The following SETD1B variants were observed in gnomAD, a reference collection of about 807,000 sequenced individuals.
The protein encoded by SETD1B is SET domain containing 1B, histone lysine methyltransferase.
SETD1B carries 7 observed loss-of-function variants against 148.0 expected under a neutral mutation model. The observed-to-expected ratio is 0.05, with a 90% CI of 0.03 to 0.09. SETD1B has a LOEUF of 0.09. Ranked by LOEUF, SETD1B falls within the 10% of genes least tolerant of loss-of-function variation. The probability of loss-of-function intolerance (pLI) is 1.00; values close to 1 mark genes in which losing one functional copy is unlikely to be tolerated. For missense variants in SETD1B, 2,155 were observed against 2,729.9 expected, an observed-to-expected ratio of 0.79 and a Z score of 4.69; for synonymous variants, 1,361 against 1,186.5, an observed-to-expected ratio of 1.15 and a Z score of -3.02.
Position 121,831,890 on chromosome 12 carries a change from TTTG to T in SETD1B, c.*1657_*1659del, listed in dbSNP as rs1877112395. On this transcript the variant is annotated 3_prime_UTR_variant, in exon 17 of 17. Coordinates refer to ENST00000604567, the MANE Select transcript of SETD1B (RefSeq NM_001353345.2). ...TTGTTGGTGGTTTTGTTGTGTGTTT[TTTG>T]TTGTTTTTTTTTTATTCCTTTCCCC... The T allele has an allele frequency of 8.3e-6, 1 of 120,288 alleles. No individual in the cohort carries two copies. The highest frequency in any genetic ancestry group is 2.5e-5 in the African/African-American group (1 of 40,034). 7.5% of individuals were successfully genotyped at this position (120,288 alleles called of 1,614,324 possible). A position where few individuals can be genotyped will look rare whatever the true frequency, so the allele number is the denominator to read the frequency against.
rs748280141 is a variant in SETD1B, at chr12:121,809,688, G to T, written c.743G>T (p.Gly248Val). ...TCCTCCTCTGTCACCCCCAATAGCGGTGGGACACCCTTCTCCCAGGACACA... is the reference window on the plus strand; with the variant it reads ...TCCTCCTCTGTCACCCCCAATAGCGTTGGGACACCCTTCTCCCAGGACACA... ...SGSSSVTPNS[G>V]GTPFSQDTAY... The change falls in exon 6 of 17, where the codon GGT (glycine) becomes GTT (valine). Residue 248 changes from glycine to valine, a missense_variant. By Grantham distance (109) the Gly-to-Val change is moderately radical (BLOSUM62 -3). Transcript: ENST00000604567. 31 of 1,551,498 alleles carry T rather than the reference G, an allele frequency of 2.0e-5. No homozygotes were observed. In the South Asian group the frequency reaches 3.3e-4, roughly 17 times the overall value.
At position 121,810,603 on chromosome 12, in the gene SETD1B, G is replaced by T. The variant is rs933009659; in HGVS notation, c.1658G>T (p.Gly553Val). ...LAPFGTNSQPGFRGPTPPSSR... is the reference protein window; with the variant it reads ...LAPFGTNSQPVFRGPTPPSSR... ...CCCTTTGGCACCAACTCCCAGCCAG[G>T]CTTCCGGGGCCCCACGCCCCCCTCG... Residue 553 changes from glycine (G) to valine (V), a missense_variant, in exon 6 of 17, where the codon GGC becomes GTC. Transcript: ENST00000604567. This position sits in a 1 kb window ranked among gnomAD's most constrained non-coding sequence, Gnocchi z 7.6. 5.8e-6 allele frequency: 9 copies of T among 1,548,162 alleles called. No individual in the cohort carries two copies. In the Admixed American group the frequency reaches 1.6e-4, roughly 27 times the overall value.
chr12:121,819,440 C>T lies in SETD1B; in HGVS notation c.3455C>T (p.Ala1152Val), dbSNP rs765343309. The T allele has an allele frequency of 1.2e-5, 19 of 1,552,064 alleles. No homozygotes were observed. In the East Asian group the frequency reaches 4.4e-4, roughly 36 times the overall value. ...AGCATTGTAACCTCCAAGGCCGAAG[C>T]CACGTCGTCCAGTGAGAGTTCCGAG... ...TVSIVTSKAE[A>V]TSSSESSESS... is the part of the protein sequence containing the mutation. Residue 1152 changes from alanine to valine, a missense_variant, in exon 11 of 17, where the codon GCC (alanine) becomes GTC (valine). Physicochemically the swap from Ala to Val is moderately conservative, Grantham distance 64. Coordinates refer to ENST00000604567, the MANE Select transcript of SETD1B (RefSeq NM_001353345.2).
intron 13 of SETD1B, among the ~76,000 whole-genome samples, chr12:121,825,838 G>T (rs1229817491): frequency 6.6e-6 from 1 of 152,066 alleles, no homozygotes; most frequent in Non-Finnish European, 1.5e-5. Context: ...TAGAGATGGG[G>T]TTTTGCCATG....
chr12:121,825,658 AG>A (rs1318814880), intron 13 of SETD1B, among the ~76,000 whole-genome samples: 1 of 150,286 alleles, frequency 6.7e-6, no homozygotes, highest in Non-Finnish European at 1.5e-5. Context: ...TTTTTTTTTT[AG>A]GGGGGGACAA....
Position 121,805,081 on chromosome 12 carries a change from A to C in SETD1B, c.175-37A>C. 1 of 1,528,120 alleles carries C rather than the reference A, an allele frequency of 6.5e-7. No homozygotes were observed. The highest frequency in any genetic ancestry group is 8.9e-7 in the Non-Finnish European group (1 of 1,125,734). 94.7% of individuals were successfully genotyped at this position (1,528,120 alleles called of 1,614,324 possible). On this transcript the variant is annotated intron_variant, in intron 2 of 16. Transcript: ENST00000604567. The surrounding 1 kb of genome is among the most constrained non-coding windows in gnomAD (Gnocchi z 4.2). ...GGGTCTGCCCATGGGGAGGGGGACCAGTTCTCTCATCCCGGCCCCCCAATT... is the reference window on the plus strand; with the variant it reads ...GGGTCTGCCCATGGGGAGGGGGACCCGTTCTCTCATCCCGGCCCCCCAATT...
At chr12:121,797,339 G>T in the SETD1B span, 1 of 426,474 alleles carries the variant, frequency 2.3e-6, no homozygotes, top group Non-Finnish European at 4.7e-6. Flanking sequence ...TGCAAGCCCT[G>T]GGGCCCAGCG....
the SETD1B span, chr12:121,793,449 G>GT: frequency 3.3e-6 from 5 of 1,534,546 alleles, no homozygotes; most frequent in Non-Finnish European, 4.4e-6. Flanking sequence ...TGGGCTCAGG[G>GT]TAAGGGGCGT....
At chr12:121,796,052 T>A in the SETD1B span, 3 of 152,482 alleles carry the variant, frequency 2.0e-5, no homozygotes, top group African/African-American at 7.2e-5. Flanking sequence ...ACTCGACTGT[T>A]GTGGTGATGG....
At chr12:121,822,433 ACT>A in intron 11 of SETD1B, 55 bp from the exon 12 acceptor site, 1 of 1,478,594 alleles carries the variant, frequency 6.8e-7, no homozygotes, top group Non-Finnish European at 9.0e-7. Context: ...AAAATAAGGC[ACT>A]GAGAGACGTT....
chr12:121,813,012 A>G (rs932163393), intron 6 of SETD1B, among the ~76,000 whole-genome samples: 9 of 151,706 alleles, frequency 5.9e-5, no homozygotes, highest in Non-Finnish European at 1.2e-4. Context: ...CGGCTCCCTA[A>G]AGCCCCACGC....
chr12:121,797,300 C>T, the SETD1B span: 16 of 384,998 alleles, frequency 4.2e-5, no homozygotes, highest in South Asian at 1.3e-4. Context: ...ACCTCCTGGC[C>T]GGCCCTTCCG....
upstream of SETD1B, chr12:121,799,744 G>GGGGGGGT: frequency 6.9e-6 from 1 of 144,228 alleles, no homozygotes; most frequent in Non-Finnish European, 1.5e-5. Flanking sequence ...GGTGGGGCGG[G>GGGGGGGT]GCCGCAGAAC....
In SETD1B at chr12:121,830,776, G is replaced by A. The variant is rs921211309; in HGVS notation, c.*537G>A. 8.5e-5 allele frequency: 13 copies of A among 152,916 alleles called. No homozygotes were observed. Among genetic ancestry groups the A allele is most frequent in the African/African-American group, 3.1e-4 (13 of 41,460 alleles). 9.5% of individuals were successfully genotyped at this position (152,916 alleles called of 1,614,324 possible). On this transcript the variant is annotated 3_prime_UTR_variant, in exon 17 of 17. Coordinates refer to ENST00000604567, the MANE Select transcript of SETD1B (RefSeq NM_001353345.2). This position sits in a 1 kb window ranked among gnomAD's most constrained non-coding sequence, Gnocchi z 5.7. Reference sequence around the variant, plus strand: ...ACCTGGACGCAGGGCCAGGTGCTGTGGGAAGGATGGAGGCCCCCACGGCCT... The same window carrying A: ...ACCTGGACGCAGGGCCAGGTGCTGTAGGAAGGATGGAGGCCCCCACGGCCT...
chr12:121,822,200 G>C (rs1039170851), intron 11 of SETD1B, among the ~76,000 whole-genome samples: 1 of 152,226 alleles, frequency 6.6e-6, no homozygotes, highest in African/African-American at 2.4e-5. Flanking sequence ...TTCAGTCATA[G>C]AGCAGATTTT....
In SETD1B at chr12:121,817,522, T is replaced by C; in HGVS notation, c.3130T>C (p.Ser1044Pro). The C allele has an allele frequency of 6.4e-7, 1 of 1,551,440 alleles. No individual in the cohort carries two copies. The highest frequency in any genetic ancestry group is 8.7e-7 in the Non-Finnish European group (1 of 1,146,966). Residue 1044 changes from serine (S) to proline (P), a missense_variant, in exon 9 of 17, where the codon TCC (serine) becomes CCC (proline). By Grantham distance (74) the Ser-to-Pro change is moderately conservative. Coordinates refer to ENST00000604567, the MANE Select transcript of SETD1B (RefSeq NM_001353345.2). The surrounding 1 kb of genome is among the most constrained non-coding windows in gnomAD (Gnocchi z 8.1). ...EEDEKESLSA[S>P]SSSSASSSSG... ...GGACGAGAAGGAGTCATTGTCGGCG[T>C]CCTCGTCCTCATCCGCGTCATCATC... is the stretch of plus-strand genomic sequence containing the variant.
At chr12:121,824,884 G>A (rs1369334669) in intron 12 of SETD1B, among the ~76,000 whole-genome samples, 5 of 150,888 alleles carry the variant, frequency 3.3e-5, no homozygotes, top group East Asian at 1.9e-4. Flanking sequence ...GTGTGGTGGC[G>A]CACGCCTGTA....
At chr12:121,793,893 A>C in the SETD1B span, 2 of 341,690 alleles carry the variant, frequency 5.9e-6, no homozygotes, top group Non-Finnish European at 1.1e-5. Context: ...CCCACCCCCA[A>C]CCCACCGCCA....
the SETD1B span, chr12:121,795,816 C>T: frequency 6.5e-6 from 1 of 152,684 alleles, no homozygotes; most frequent in African/African-American, 2.4e-5. Flanking sequence ...AGCCTCAGAC[C>T]TCAGTGTCCA....
Sources: allele counts gnomAD v4.1 joint callset (sites outside exome capture counted in the v4.1 genomes callset), GRCh38; gene constraint gnomAD v4.1.1; non-coding constraint Gnocchi (gnomAD v3.1); transcripts MANE v1.5; gene names NCBI Gene and HGNC (gene_info 2026-07-23, HGNC 2026-07-21).